The following SLC25A46 variants were observed in gnomAD, a reference collection of about 807,000 sequenced individuals.
The protein encoded by SLC25A46 is mitochondrial outer membrane protein SLC25A46.
A neutral mutation model predicts 44.6 loss-of-function variants in SLC25A46; 39 were observed. That is an observed-to-expected ratio of 0.87 (90% confidence interval 0.68 to 1.14). SLC25A46 has a LOEUF of 1.14. Among genes scored for constraint, SLC25A46 ranks in the 50% most tolerant of loss-of-function variants. SLC25A46 has a pLI of 0.00. For synonymous variants in SLC25A46, 202 were observed against 185.8 expected (o/e 1.09, Z -0.71); for missense variants, 547 against 522.7 (o/e 1.05, Z -0.45).
chr5:110,739,289 G>T lies in SLC25A46; in HGVS notation c.170G>T (p.Trp57Leu). 6.4e-7 allele frequency: 1 copy of T among 1,574,162 alleles called. No individual in the cohort carries two copies. Among genetic ancestry groups the T allele is most frequent in the Non-Finnish European group, 8.6e-7 (1 of 1,160,090 alleles). Residue 57 changes from tryptophan (W) to leucine (L), a missense_variant, in exon 1 of 8, where the codon TGG (tryptophan) becomes TTG (leucine). Transcript: ENST00000355943. ...PDIPGSRNLH[W>L]GEKSPPYGVP... The stretch of plus-strand genomic sequence containing the variant: ...ATCCCCGGCAGCCGCAACCTGCACT[G>T]GGGCGAGAAGAGCCCGCCCTACGGC...
chr5:110,755,562 T>C, intron 6 of SLC25A46, 41 bp downstream of exon 6: 2 of 1,239,884 alleles, frequency 1.6e-6, no homozygotes, highest in African/African-American at 1.5e-5. Flanking sequence ...GCATTTTCAC[T>C]AATTTTTATA....
intron 7 of SLC25A46, among the ~76,000 whole-genome samples, chr5:110,758,473 A>G (rs1800167400): frequency 6.6e-6 from 1 of 152,042 alleles, no homozygotes; most frequent in Admixed American, 6.6e-5. Flanking sequence ...TTATTTTTAC[A>G]TTTCTTTCAT....
intron 7 of SLC25A46, among the ~76,000 whole-genome samples, chr5:110,760,903 C>A (rs146301591): frequency 2.6e-5 from 4 of 152,110 alleles, no homozygotes; most frequent in African/African-American, 7.2e-5. Flanking sequence ...TCTCCTTAAG[C>A]GTTACATAGT....
At position 110,764,404 on chromosome 5, in the gene SLC25A46, C is replaced by T. The variant is rs1234565586; in HGVS notation, c.*2622C>T. 1 of 151,580 alleles carries T rather than the reference C, an allele frequency of 6.6e-6. No homozygotes were observed. The highest frequency in any genetic ancestry group is 1.5e-5 in the Non-Finnish European group (1 of 67,806). The allele number at this position is 151,580 out of a possible 1,614,324, so 9.4% of individuals were successfully genotyped here. ...GGTTAATAAGGTTATCTATTAAAGCCCCCAGAATCTCAGCACTAGATGTCA... is the reference window on the plus strand; with the variant it reads ...GGTTAATAAGGTTATCTATTAAAGCTCCCAGAATCTCAGCACTAGATGTCA... On this transcript the variant is annotated 3_prime_UTR_variant, in exon 8 of 8. Coordinates refer to ENST00000355943, the MANE Select transcript of SLC25A46 (RefSeq NM_138773.4).
chr5:110,752,983 C>T (rs949217769), intron 5 of SLC25A46, among the ~76,000 whole-genome samples: 1 of 151,960 alleles, frequency 6.6e-6, no homozygotes, highest in Non-Finnish European at 1.5e-5. Context: ...TCAGGAGAGA[C>T]CAGAAGGCAG....
intron 3 of SLC25A46, among the ~76,000 whole-genome samples, chr5:110,744,606 T>C (rs544595950): frequency 1.3e-5 from 2 of 152,358 alleles, no homozygotes; most frequent in East Asian, 3.9e-4. Context: ...TGTCAGCTCT[T>C]GACGATGCAT....
Position 110,761,622 on chromosome 5 carries a change from A to T in SLC25A46, c.1097A>T (p.Tyr366Phe), listed in dbSNP as rs1561610109. 1.2e-6 allele frequency: 2 copies of T among 1,613,710 alleles called. No individual in the cohort carries two copies. Among genetic ancestry groups the T allele is most frequent in the Non-Finnish European group, 1.7e-6 (2 of 1,179,730 alleles). The change falls in exon 8 of 8, where the codon TAT becomes TTT. Residue 366 changes from tyrosine to phenylalanine, a missense_variant. Transcript: ENST00000355943. This position sits in a 1 kb window ranked among gnomAD's most constrained non-coding sequence, Gnocchi z 5.3. ...GYEVLPINTQ[Y>F]EGMRDCINTI... ...GAAGTGCTTCCAATTAATACACAAT[A>T]TGAGGGAATGAGAGACTGTATCAAT...
At chr5:110,738,333 CTGAG>C (rs1415848797), upstream of SLC25A46, 2 of 1,067,212 alleles carry the variant, frequency 1.9e-6, no homozygotes, top group African/African-American at 3.4e-5. Flanking sequence ...TTTCAATACC[CTGAG>C]TGATTTAGAC....
rs1800333028 is a variant in SLC25A46 at position 110,764,315 on chromosome 5, T to C, written c.*2533T>C. ...TACGAATTAACTTACTAAATACATA[T>C]ATGTAGACCTTCCCGAAATGCCATT... On this transcript the variant is annotated 3_prime_UTR_variant, in exon 8 of 8. Transcript: ENST00000355943. 3 of 151,934 alleles carry C rather than the reference T, an allele frequency of 2.0e-5. No homozygotes were observed. Among genetic ancestry groups the C allele is most frequent in the South Asian group, 4.1e-4 (2 of 4,826 alleles). The allele number at this position is 151,934 out of a possible 1,614,324, so 9.4% of individuals were successfully genotyped here.
Position 110,761,321 on chromosome 5 carries a change from T to G in SLC25A46, c.796T>G (p.Phe266Val). ...ACTTCTTCCGCTTCTTTCCTTGATC[T>G]TCCCTACGGTGCTTCATGGAGTTCT... ...KRLLPLLSLI[F>V]PTVLHGVLHY... The change falls in exon 8 of 8, where the codon TTC becomes GTC. Residue 266 changes from phenylalanine to valine, a missense_variant. Phe to Val is a conservative substitution (Grantham distance 50). Coordinates refer to ENST00000355943, the MANE Select transcript of SLC25A46 (RefSeq NM_138773.4). The surrounding 1 kb of genome is among the most constrained non-coding windows in gnomAD (Gnocchi z 5.3). 6.2e-7 allele frequency: 1 copy of G among 1,613,838 alleles called. No individual in the cohort carries two copies. The highest frequency in any genetic ancestry group is 8.5e-7 in the Non-Finnish European group (1 of 1,179,814).
chr5:110,743,311 T>C (rs1799736204), intron 2 of SLC25A46, among the ~76,000 whole-genome samples: 1 of 152,088 alleles, frequency 6.6e-6, no homozygotes, highest in Admixed American at 6.5e-5. Flanking sequence ...ATTTTTAGAA[T>C]GGGGTTCATG....
At chr5:110,747,325 G>C (rs1008146643) in intron 4 of SLC25A46, among the ~76,000 whole-genome samples, 7 of 152,010 alleles carry the variant, frequency 4.6e-5, no homozygotes, top group African/African-American at 7.2e-5. Context: ...TGATCTCCAG[G>C]ATATTTTTTA....
At chr5:110,750,057 A>G (rs1262448557) in intron 5 of SLC25A46, among the ~76,000 whole-genome samples, 1 of 152,140 alleles carries the variant, frequency 6.6e-6, no homozygotes, top group Non-Finnish European at 1.5e-5. Context: ...TGTAACGCAT[A>G]TGCCCAATGT....
intron 5 of SLC25A46, among the ~76,000 whole-genome samples, chr5:110,751,061 C>T (rs1799957580): frequency 6.6e-6 from 1 of 151,992 alleles, no homozygotes; most frequent in Non-Finnish European, 1.5e-5. Flanking sequence ...AAATAGTAAC[C>T]TCTATTGCAT....
At position 110,739,021 on chromosome 5, in the gene SLC25A46, A is replaced by G; in HGVS notation, c.-99A>G. ...TTCCGGTTGTCAGAATTTACCCCTG[A>G]CGCGGCGGCGGCCGACGGGAAGCTG... On this transcript the variant is annotated 5_prime_UTR_variant, in exon 1 of 8. Coordinates refer to ENST00000355943, the MANE Select transcript of SLC25A46 (RefSeq NM_138773.4). 1 of 1,486,156 alleles carries G rather than the reference A, an allele frequency of 6.7e-7. No individual in the cohort carries two copies. The highest frequency in any genetic ancestry group is 2.6e-5 in the Admixed American group (1 of 38,082). 92.1% of individuals were successfully genotyped at this position (1,486,156 alleles called of 1,614,324 possible).
chr5:110,748,318 A>G, intron 5 of SLC25A46, 55 bp downstream of exon 5: 2 of 1,416,106 alleles, frequency 1.4e-6, no homozygotes, highest in Non-Finnish European at 2.0e-6. Flanking sequence ...GTGTTTTTAG[A>G]TGCAGGCGGT....
chr5:110,755,217 G>T, intron 5 of SLC25A46: 2 of 292,242 alleles, frequency 6.8e-6, no homozygotes, highest in Non-Finnish European at 1.3e-5. Flanking sequence ...TTCATAATCA[G>T]TTGTGCCTCT....
rs776022965 is a variant in SLC25A46, at chr5:110,739,395, G to C, written c.276G>C (p.Gln92His). ...SSGGGGSVQG[Q>H]SSEQLNRFAG... Reference sequence around the variant, plus strand: ...GCGGCGGCGGCAGTGTGCAGGGGCAGAGCAGTGGTGAGAAGCATGGGGACC... The same window carrying C: ...GCGGCGGCGGCAGTGTGCAGGGGCACAGCAGTGGTGAGAAGCATGGGGACC... Residue 92 changes from glutamine to histidine, a missense_variant, in exon 1 of 8, where the codon CAG becomes CAC. Transcript: ENST00000355943. 15 of 1,543,070 alleles carry C rather than the reference G, an allele frequency of 9.7e-6. No homozygotes were observed. The Admixed American group carries it at 2.3e-4, about 24-fold the overall frequency.
In SLC25A46 at chr5:110,739,043, G is replaced by A. The variant is rs13186465; in HGVS notation, c.-77G>A. On this transcript the variant is annotated 5_prime_UTR_variant, in exon 1 of 8. Coordinates refer to ENST00000355943, the MANE Select transcript of SLC25A46 (RefSeq NM_138773.4). Reference sequence around the variant, plus strand: ...CTGACGCGGCGGCGGCCGACGGGAAGCTGTGTGTGCTTAGGTCGTGGTGGC... The same window carrying A: ...CTGACGCGGCGGCGGCCGACGGGAAACTGTGTGTGCTTAGGTCGTGGTGGC... The A allele has an allele frequency of 3.3e-6, 5 of 1,495,682 alleles. No homozygotes were observed. Among genetic ancestry groups the A allele is most frequent in the African/African-American group, 1.4e-5 (1 of 70,540 alleles). 92.7% of individuals were successfully genotyped at this position (1,495,682 alleles called of 1,614,324 possible). A position where few individuals can be genotyped will look rare whatever the true frequency, so the allele number is the denominator to read the frequency against.
Sources: gnomAD v4.1 joint callset for allele counts (sites outside exome capture counted in the v4.1 genomes callset) on GRCh38, gnomAD v4.1.1 for gene constraint, Gnocchi (gnomAD v3.1) non-coding constraint, MANE v1.5 for transcripts, NCBI Gene and HGNC (gene_info 2026-07-23, HGNC 2026-07-21) for gene names.